Variants in CALML4 observed in about 807,000 individuals in gnomAD.
CALML4 encodes calmodulin-like protein 4.
Under a neutral mutation model 17.9 loss-of-function variants are expected in CALML4, and 16 were observed. That is an observed-to-expected ratio of 0.89 (90% CI 0.61 to 1.36). The LOEUF is 1.36. CALML4 is among the 40% of genes most tolerant of loss of function. The pLI, the probability that CALML4 is intolerant of heterozygous loss-of-function variation, is 0.00. For synonymous variants in CALML4, 86 were observed against 71.5 expected (o/e 1.20, Z -1.02); for missense variants, 203 against 194.8 (o/e 1.04, Z -0.25).
intron 2 of CALML4, among the ~76,000 whole-genome samples, chr15:68,202,329 G>A (rs1259581849): frequency 6.6e-6 from 1 of 152,220 alleles, no homozygotes; most frequent in Non-Finnish European, 1.5e-5. Context: ...TCTAGGGCTG[G>A]GTGCAGTGGC....
At chr15:68,199,793 T>C in intron 2 of CALML4, 112 bp from the exon 3 acceptor site, 2 of 1,171,032 alleles carry the variant, frequency 1.7e-6, no homozygotes, top group Admixed American at 2.3e-5. Context: ...GCCTACTCCC[T>C]CCATCCCTCT....
chr15:68,198,769 GGTCA>G (rs1433074407), intron 3 of CALML4, among the ~76,000 whole-genome samples: 1 of 150,938 alleles, frequency 6.6e-6, no homozygotes, highest in African/African-American at 2.4e-5. Flanking sequence ...ATAGTTTTTA[GGTCA>G]GTCTTTGATA....
intron 4 of CALML4, among the ~76,000 whole-genome samples, chr15:68,195,293 T>C (rs1216822164): frequency 1.3e-5 from 2 of 152,192 alleles, no homozygotes; most frequent in Non-Finnish European, 2.9e-5. Flanking sequence ...ATCCTGTGAT[T>C]CTCTGCTTAA....
chr15:68,197,526 A>G lies in CALML4; in HGVS notation c.278T>C (p.Val93Ala), dbSNP rs2141125112. 1 of 1,614,000 alleles carries G rather than the reference A, an allele frequency of 6.2e-7. No homozygotes were observed. The stretch of plus-strand genomic sequence containing the variant: ...GACGTAACCTTTCTTCTCCTTGTCC[A>G]CCATCAACATGGCTAGAAGAATTTC... ...KKEILLAMLM[V>A]DKEKKGYVMA... Residue 93 changes from valine (V) to alanine (A), a missense_variant, in exon 4 of 5, where the codon GTG becomes GCG. Val to Ala is a moderately conservative substitution (Grantham distance 64). Coordinates refer to ENST00000467889, the MANE Select transcript of CALML4 (RefSeq NM_033429.3). The surrounding 1 kb of genome is among the most constrained non-coding windows in gnomAD (Gnocchi z 4.1).
In CALML4 at chr15:68,193,916, C is replaced by A; in HGVS notation, c.*99G>T. On this transcript the variant is annotated 3_prime_UTR_variant, in exon 5 of 5. Transcript: ENST00000467889. ...ATAGTTGGGTAATGTTGTCTTGCCACTGTGTTTGCCATCTCTCCCAAGTGA... is the reference window on the plus strand; with the variant it reads ...ATAGTTGGGTAATGTTGTCTTGCCAATGTGTTTGCCATCTCTCCCAAGTGA... 2 of 766,136 alleles carry A rather than the reference C, an allele frequency of 2.6e-6. No individual in the cohort carries two copies. The highest frequency in any genetic ancestry group is 4.4e-6 in the Non-Finnish European group (2 of 452,358). 47.5% of individuals were successfully genotyped at this position (766,136 alleles called of 1,614,324 possible).
At chr15:68,198,552 T>C (rs961599203) in intron 3 of CALML4, 10 of 152,238 alleles carry the variant, frequency 6.6e-5, no homozygotes, top group African/African-American at 2.4e-4. Flanking sequence ...AAACTACTTT[T>C]TTTCTTAGAA....
At position 68,204,580 on chromosome 15, in the gene CALML4, G is replaced by C. The variant is rs1016332311; in HGVS notation, c.34+541C>G. Among the ~76,000 whole-genome samples, 3 of 152,208 alleles carry C rather than the reference G, an allele frequency of 2.0e-5. No individual in the cohort carries two copies. The highest frequency in any genetic ancestry group is 1.3e-4 in the Admixed American group (2 of 15,288). On this transcript the variant is annotated intron_variant, in intron 2 of 4. Coordinates refer to ENST00000467889, the MANE Select transcript of CALML4 (RefSeq NM_033429.3). This position sits in a 1 kb window ranked among gnomAD's most constrained non-coding sequence, Gnocchi z 6.0. ...GAACCCTGCACGGTGTGAAACTGAAGCCTGGTCGAGGGCTGGCAGAGTAGG... is the reference window on the plus strand; with the variant it reads ...GAACCCTGCACGGTGTGAAACTGAACCCTGGTCGAGGGCTGGCAGAGTAGG...
rs948750885 is a variant in CALML4, at chr15:68,192,039, T to C, written c.*1976A>G. On this transcript the variant is annotated 3_prime_UTR_variant, in exon 5 of 5. Transcript: ENST00000467889. ...TACTGGGACTATTCAGTGATAAATA[T>C]AGACATAGAAAAGCTTTGACGGAAA... 4.6e-5 allele frequency: 7 copies of C among 151,942 alleles called. No individual in the cohort carries two copies. The highest frequency in any genetic ancestry group is 1.7e-4 in the African/African-American group (7 of 41,190). The allele number at this position is 151,942 out of a possible 1,614,324, so 9.4% of individuals were successfully genotyped here. A position where few individuals can be genotyped will look rare whatever the true frequency, so the allele number is the denominator to read the frequency against.
Position 68,204,986 on chromosome 15 carries a change from G to A in CALML4, c.34+135C>T, listed in dbSNP as rs1185503773. ...CCACCCCGCCAACAGCAGCCTCCCC[G>A]CAGCTCTTGGCCCTGGGTGGGCCCA... On this transcript the variant is annotated intron_variant, in intron 2 of 4. Transcript: ENST00000467889. This position sits in a 1 kb window ranked among gnomAD's most constrained non-coding sequence, Gnocchi z 6.0. 3.7e-5 allele frequency: 36 copies of A among 978,982 alleles called. No homozygotes were observed. Among genetic ancestry groups the A allele is most frequent in the Middle Eastern group, 2.2e-4 (1 of 4,634 alleles). The allele number at this position is 978,982 out of a possible 1,614,324, so 60.6% of individuals were successfully genotyped here. A position where few individuals can be genotyped will look rare whatever the true frequency, so the allele number is the denominator to read the frequency against.
chr15:68,198,418 T>G (rs2093153355), intron 3 of CALML4: 1 of 152,318 alleles, frequency 6.6e-6, no homozygotes, highest in East Asian at 1.9e-4. Flanking sequence ...GCTGGTGACC[T>G]GAGACTGAGC....
At position 68,192,424 on chromosome 15, in the gene CALML4, A is replaced by G. The variant is rs2093124575; in HGVS notation, c.*1591T>C. 6.6e-6 allele frequency: 1 copy of G among 152,152 alleles called. No individual in the cohort carries two copies. 9.4% of individuals were successfully genotyped at this position (152,152 alleles called of 1,614,324 possible). A position where few individuals can be genotyped will look rare whatever the true frequency, so the allele number is the denominator to read the frequency against. On this transcript the variant is annotated 3_prime_UTR_variant, in exon 5 of 5. Coordinates refer to ENST00000467889, the MANE Select transcript of CALML4 (RefSeq NM_033429.3). ...AAATCTCGTAAACCTCAGACCCCAC[A>G]AAACATCTGCTCCTACACTGTGTGG... is the stretch of plus-strand genomic sequence containing the variant.
rs376708484 is a variant in CALML4 at position 68,197,503 on chromosome 15, C to T, written c.301G>A (p.Val101Ile). 1.4e-4 allele frequency: 222 copies of T among 1,614,160 alleles called. 3 individuals are homozygous for T. In the South Asian group the frequency reaches 1.8e-3, roughly 13 times the overall value. Residue 101 changes from valine (V) to isoleucine (I), a missense_variant, in exon 4 of 5, where the codon GTC becomes ATC. By Grantham distance (29) the Val-to-Ile change is conservative. Transcript: ENST00000467889. The surrounding 1 kb of genome is among the most constrained non-coding windows in gnomAD (Gnocchi z 4.1). ...LMVDKEKKGY[V>I]MASDLRSKLT... ...TTTGACCGCAGGTCGGACGCCATGA[C>T]GTAACCTTTCTTCTCCTTGTCCACC...
chr15:68,194,868 T>C (rs925247643), intron 4 of CALML4, among the ~76,000 whole-genome samples: 7 of 150,464 alleles, frequency 4.7e-5, no homozygotes, highest in African/African-American at 1.7e-4. Context: ...CCGGTGCTCC[T>C]CACCACCTCT....
Position 68,199,701 on chromosome 15 carries a change from A to T in CALML4, c.35-20T>A. On this transcript the variant is annotated intron_variant, in intron 2 of 4. Coordinates refer to ENST00000467889, the MANE Select transcript of CALML4 (RefSeq NM_033429.3). The stretch of plus-strand genomic sequence containing the variant: ...TGTACTCTGCACACGGCCCAGAGGG[A>T]GGGTCAGCAGCGTCTGGTCACTCTC... 2 of 1,606,976 alleles carry T rather than the reference A, an allele frequency of 1.2e-6. No individual in the cohort carries two copies. The highest frequency in any genetic ancestry group is 1.7e-6 in the Non-Finnish European group (2 of 1,176,066).
At chr15:68,203,690 C>T (rs1486412444) in intron 2 of CALML4, among the ~76,000 whole-genome samples, 2 of 152,170 alleles carry the variant, frequency 1.3e-5, no homozygotes, top group East Asian at 3.9e-4. Flanking sequence ...CCCCTCTGTC[C>T]GTGGCTCGCA....
intron 2 of CALML4, 65 bp from the exon 3 acceptor site, chr15:68,199,746 A>G: frequency 1.3e-6 from 2 of 1,527,586 alleles, no homozygotes; most frequent in East Asian, 2.3e-5. Context: ...CGCCCTCCCC[A>G]TCCTTAGTCT....
chr15:68,199,328 C>T (rs889772498), intron 3 of CALML4, among the ~76,000 whole-genome samples: 2 of 152,102 alleles, frequency 1.3e-5, no homozygotes, highest in South Asian at 2.1e-4. Context: ...GCCTAGATCC[C>T]GAGGTCTGTG....
rs1267316515 is a variant in CALML4, at chr15:68,190,747, T to C, written c.*3268A>G. On this transcript the variant is annotated 3_prime_UTR_variant, in exon 5 of 5. Transcript: ENST00000467889. The surrounding 1 kb of genome is among the most constrained non-coding windows in gnomAD (Gnocchi z 4.7). ...CTTTTAATTACTTCGTGAGTGTTAT[T>C]GGATACATCTTAAAAAAAAAAAATC... is the stretch of plus-strand genomic sequence containing the variant. 6.6e-6 allele frequency: 1 copy of C among 152,118 alleles called. No homozygotes were observed. The highest frequency in any genetic ancestry group is 6.6e-5 in the Admixed American group (1 of 15,262). The allele number at this position is 152,118 out of a possible 1,614,324, so 9.4% of individuals were successfully genotyped here. A position where few individuals can be genotyped will look rare whatever the true frequency, so the allele number is the denominator to read the frequency against.
At chr15:68,201,631 C>T (rs766058030) in intron 2 of CALML4, among the ~76,000 whole-genome samples, 2 of 152,186 alleles carry the variant, frequency 1.3e-5, no homozygotes, top group Non-Finnish European at 2.9e-5. Context: ...CACTACTCCC[C>T]GACAAGCCCT....
Sources: allele counts gnomAD v4.1 joint callset (sites outside exome capture counted in the v4.1 genomes callset), GRCh38; gene constraint gnomAD v4.1.1; non-coding constraint Gnocchi (gnomAD v3.1); transcripts MANE v1.5; gene names NCBI Gene and HGNC (gene_info 2026-07-23, HGNC 2026-07-21).